Variants in SEZ6L observed in about 807,000 individuals in gnomAD.
SEZ6L encodes seizure 6-like protein.
SEZ6L carries 37 observed loss-of-function variants against 106.2 expected under a neutral mutation model. The ratio of observed to expected loss-of-function variants is 0.35; its 90% confidence interval spans 0.27 to 0.46. The LOEUF is 0.46. SEZ6L is among the 20% of genes least tolerant of loss of function. SEZ6L has a pLI of 1.00. For missense variants in SEZ6L, 1,172 were observed against 1,332.8 expected (o/e 0.88, Z 1.88); for synonymous variants, 541 against 570.4 (o/e 0.95, Z 0.73).
At chr22:26,176,339 A>T (rs549444834) in intron 1 of SEZ6L, among the ~76,000 whole-genome samples, 1 of 152,378 alleles carries the variant, frequency 6.6e-6, no homozygotes, top group East Asian at 1.9e-4. Flanking sequence ...TGGAGAGCTG[A>T]TGCAAGCCTG....
At chr22:26,293,552 C>T (rs956873515) in intron 2 of SEZ6L, among the ~76,000 whole-genome samples, 3 of 152,110 alleles carry the variant, frequency 2.0e-5, no homozygotes, top group Non-Finnish European at 4.4e-5. Context: ...CTGGGGAACT[C>T]CTGGGCTCAA....
At chr22:26,359,957 G>A (rs1483741251) in intron 12 of SEZ6L, among the ~76,000 whole-genome samples, 8 of 152,278 alleles carry the variant, frequency 5.3e-5, no homozygotes, top group South Asian at 2.1e-4. Flanking sequence ...GGCTGTTTTG[G>A]TCATGATTGT....
chr22:26,252,863 A>T (rs1395223068), intron 1 of SEZ6L, among the ~76,000 whole-genome samples: 1 of 152,228 alleles, frequency 6.6e-6, no homozygotes, highest in African/African-American at 2.4e-5. Flanking sequence ...TGCTATGGTG[A>T]ATAGTGCTGT....
chr22:26,204,468 C>A (rs1941179054), intron 1 of SEZ6L, among the ~76,000 whole-genome samples: 1 of 152,224 alleles, frequency 6.6e-6, no homozygotes, highest in African/African-American at 2.4e-5. Flanking sequence ...TTACAAATAT[C>A]ACCCCATTTT....
At chr22:26,273,973 T>G (rs2080456557) in intron 1 of SEZ6L, among the ~76,000 whole-genome samples, 1 of 152,158 alleles carries the variant, frequency 6.6e-6, no homozygotes, top group African/African-American at 2.4e-5. Flanking sequence ...GCAGACACTA[T>G]TTCTCCCTCC....
At chr22:26,256,223 C>A (rs988978058) in intron 1 of SEZ6L, among the ~76,000 whole-genome samples, 1 of 152,054 alleles carries the variant, frequency 6.6e-6, no homozygotes, top group Non-Finnish European at 1.5e-5. Flanking sequence ...GAGGGGTATT[C>A]GGGGATGCCA....
At chr22:26,293,450 C>T (rs1463199257) in intron 2 of SEZ6L, among the ~76,000 whole-genome samples, 1 of 152,226 alleles carries the variant, frequency 6.6e-6, no homozygotes, top group African/African-American at 2.4e-5. Context: ...CTTGCCTCAG[C>T]CTCTTGAGTA....
In SEZ6L at chr22:26,340,508, G is replaced by A. The variant is rs2145988940; in HGVS notation, c.2088G>A (p.Gln696=). 1 of 1,614,106 alleles carries A rather than the reference G, an allele frequency of 6.2e-7. No individual in the cohort carries two copies. Residue 696 remains glutamine (Q), a synonymous_variant, in exon 10 of 17, where the codon CAG becomes CAA. Transcript: ENST00000248933. The stretch of plus-strand genomic sequence containing the variant: ...AGGTCATGCCCCACATCTTGGGGCA[G>A]TACCTTGGGAACAGTGGCCCCCAGA... The part of the protein sequence containing the change: ...GDEVMPHILG[Q]YLGNSGPQKL...
At chr22:26,332,508 G>A (rs181109019) in intron 9 of SEZ6L, among the ~76,000 whole-genome samples, 60 of 151,628 alleles carry the variant, frequency 4.0e-4, no homozygotes, top group Non-Finnish European at 7.2e-4. Context: ...GTACAGTGGT[G>A]CAATCAAAGC....
chr22:26,372,756 A>C (rs2084082051), intron 13 of SEZ6L, among the ~76,000 whole-genome samples: 1 of 152,224 alleles, frequency 6.6e-6, no homozygotes, highest in Non-Finnish European at 1.5e-5. Context: ...GAACCTCCGG[A>C]GAAGTTTTAC....
intron 1 of SEZ6L, among the ~76,000 whole-genome samples, chr22:26,225,905 T>C (rs1021454215): frequency 1.3e-5 from 2 of 152,262 alleles, no homozygotes; most frequent in African/African-American, 4.8e-5. Flanking sequence ...ATTTGCTGGC[T>C]TAGTGAACGA....
intron 1 of SEZ6L, among the ~76,000 whole-genome samples, chr22:26,266,521 C>T (rs138666569): frequency 6.6e-6 from 1 of 151,356 alleles, no homozygotes; most frequent in Non-Finnish European, 1.5e-5. Context: ...TGCAATGAGC[C>T]GAGATCGCAC....
At chr22:26,290,468 C>A (rs1362630940) in intron 1 of SEZ6L, among the ~76,000 whole-genome samples, 1 of 152,066 alleles carries the variant, frequency 6.6e-6, no homozygotes, top group Admixed American at 6.6e-5. Context: ...GGAGGCGGAG[C>A]TTGCAGTGAG....
intron 11 of SEZ6L, among the ~76,000 whole-genome samples, chr22:26,348,265 GTGGGAGGATCACT>G (rs904284885): frequency 2.6e-5 from 4 of 151,942 alleles, no homozygotes; most frequent in Non-Finnish European, 4.4e-5. Context: ...GGAGGCTGAG[GTGGGAGGATCACT>G]TGAGCCCATG....
At position 26,372,419 on chromosome 22, in the gene SEZ6L, T is replaced by A. The variant is rs116321389; in HGVS notation, c.2795-1032T>A. ...CATCTGCTTCAATCTTTCCATTTTC[T>A]TGATGCCAAAGCTGCAGAGAAGTGT... On this transcript the variant is annotated intron_variant, in intron 13 of 16. Transcript: ENST00000248933. 2.4e-3 allele frequency among the ~76,000 whole-genome samples: 369 copies of A among 152,328 alleles called. 1 individual carries two copies. Among genetic ancestry groups the A allele is most frequent in the African/African-American group, 8.5e-3 (355 of 41,576 alleles).
intron 1 of SEZ6L, among the ~76,000 whole-genome samples, chr22:26,171,906 TGGAGAACCATTCA>T (rs951722974): frequency 1.3e-5 from 2 of 152,138 alleles, no homozygotes; most frequent in African/African-American, 4.8e-5. Flanking sequence ...TAATGTCAGA[TGGAGAACCATTCA>T]CCTAACTCGT....
chr22:26,304,683 A>G (rs2081580106), intron 5 of SEZ6L, among the ~76,000 whole-genome samples: 1 of 152,214 alleles, frequency 6.6e-6, no homozygotes, highest in African/African-American at 2.4e-5. Context: ...GGAACAAATC[A>G]CTTTTATATT....
chr22:26,357,274 A>G (rs1601603668), intron 12 of SEZ6L, among the ~76,000 whole-genome samples: 1 of 151,500 alleles, frequency 6.6e-6, no homozygotes, highest in African/African-American at 2.4e-5. Context: ...ATCCCACAGC[A>G]CCCCCTGTGA....
rs146205902 is a variant in SEZ6L, at chr22:26,329,026, G to A, written c.2016-11410G>A. Among the ~76,000 whole-genome samples, 171 of 152,282 alleles carry A rather than the reference G, an allele frequency of 1.1e-3. 2 individuals carry two copies. In the East Asian group the frequency reaches 0.03, roughly 27 times the overall value. On this transcript the variant is annotated intron_variant, in intron 9 of 16. Coordinates refer to ENST00000248933, the MANE Select transcript of SEZ6L (RefSeq NM_021115.5). ...GGATCAGGAGTTTTTAAACCTCCGC[G>A]GGGATTCTGAGGTGCGGCCAGGATT... is the stretch of plus-strand genomic sequence containing the variant.
Sources: allele counts gnomAD v4.1 joint callset (sites outside exome capture counted in the v4.1 genomes callset), GRCh38; gene constraint gnomAD v4.1.1; transcripts MANE v1.5; gene names NCBI Gene and HGNC (gene_info 2026-07-23, HGNC 2026-07-21).